PIEZO2: variants seen among roughly 807,000 people sequenced by gnomAD.
The protein encoded by PIEZO2 is piezo-type mechanosensitive ion channel component 2.
Under a neutral mutation model 337.3 loss-of-function variants are expected in PIEZO2, and 172 were observed. That is an observed-to-expected ratio of 0.51 (90% confidence interval 0.45 to 0.58). The LOEUF (loss-of-function observed/expected upper bound fraction) is 0.58. PIEZO2 is among the 20% of genes least tolerant of loss of function. PIEZO2 has a pLI of 0.00. For missense variants in PIEZO2, 3,028 were observed against 3,391.3 expected, an observed-to-expected ratio of 0.89 and a Z score of 2.66; for synonymous variants, 1,251 against 1,228.5, an observed-to-expected ratio of 1.02 and a Z score of -0.38.
chr18:11,105,432 C>A lies in PIEZO2; in HGVS notation c.65-39210G>T, dbSNP rs1217163526. Among the ~76,000 whole-genome samples, 1 of 152,126 alleles carries A rather than the reference C, an allele frequency of 6.6e-6. No individual in the cohort carries two copies. The highest frequency in any genetic ancestry group is 1.5e-5 in the Non-Finnish European group (1 of 68,032). ...AATAGCTCAGAAACGCATTCCAGCA[C>A]CTCACATCTTCATCCTCACGACACA... On this transcript the variant is annotated intron_variant, in intron 1 of 55. Transcript: ENST00000674853. This position sits in a 1 kb window ranked among gnomAD's most constrained non-coding sequence, Gnocchi z 4.3.
At chr18:10,974,015 A>T (rs2034342600) in intron 3 of PIEZO2, among the ~76,000 whole-genome samples, 2 of 152,174 alleles carry the variant, frequency 1.3e-5, no homozygotes, top group African/African-American at 4.8e-5. Context: ...CTAACGAAGC[A>T]TGGGGTGAAG....
chr18:11,031,166 A>G lies in PIEZO2; in HGVS notation c.160+34961T>C, dbSNP rs1350986674. On this transcript the variant is annotated intron_variant, in intron 2 of 55. Coordinates refer to ENST00000674853, the MANE Select transcript of PIEZO2 (RefSeq NM_001378183.1). This position sits in a 1 kb window ranked among gnomAD's most constrained non-coding sequence, Gnocchi z 4.7. ...CACCATGCCTGGCTAATTTTTTTGT[A>G]TTTTTTTTTTTTTTAGTGGAGATGG... Among the ~76,000 whole-genome samples, 1 of 140,286 alleles carries G rather than the reference A, an allele frequency of 7.1e-6. No individual in the cohort carries two copies. The highest frequency in any genetic ancestry group is 1.6e-5 in the Non-Finnish European group (1 of 64,332). The allele number at this position is 140,286 out of a possible 152,430, so 92.0% of individuals were successfully genotyped here.
Position 10,929,846 on chromosome 18 carries a change from A to T in PIEZO2, c.287-18618T>A, listed in dbSNP as rs1232461059. 6.6e-6 allele frequency among the ~76,000 whole-genome samples: 1 copy of T among 152,196 alleles called. No individual in the cohort carries two copies. Among genetic ancestry groups the T allele is most frequent in the Non-Finnish European group, 1.5e-5 (1 of 68,024 alleles). Reference sequence around the variant, plus strand: ...CAAAAATAAAATTCTAAGGCCCCCAAGAGACTGAATGGACTGCCCCTCAGC... The same window carrying T: ...CAAAAATAAAATTCTAAGGCCCCCATGAGACTGAATGGACTGCCCCTCAGC... On this transcript the variant is annotated intron_variant, in intron 3 of 55. Coordinates refer to ENST00000674853, the MANE Select transcript of PIEZO2 (RefSeq NM_001378183.1). This position sits in a 1 kb window ranked among gnomAD's most constrained non-coding sequence, Gnocchi z 5.6.
intron 18 of PIEZO2, among the ~76,000 whole-genome samples, chr18:10,778,865 AG>A (rs1397622655): frequency 1.3e-5 from 2 of 152,230 alleles, no homozygotes; most frequent in Non-Finnish European, 2.9e-5. Context: ...GTTGCTGCCA[AG>A]GGAGCCCATC....
intron 2 of PIEZO2, among the ~76,000 whole-genome samples, chr18:11,015,586 A>G (rs1472101868): frequency 6.6e-6 from 1 of 152,190 alleles, no homozygotes; most frequent in Non-Finnish European, 1.5e-5. Flanking sequence ...ATGTTTTAAG[A>G]GAACGCCTTG....
chr18:10,923,228 T>C (rs1419607596), intron 3 of PIEZO2, among the ~76,000 whole-genome samples: 2 of 152,192 alleles, frequency 1.3e-5, no homozygotes, highest in Non-Finnish European at 2.9e-5. Context: ...AGTTCTCTGG[T>C]TTATATGAAA....
rs1016135841 is a variant in PIEZO2, at chr18:11,096,995, G to A, written c.65-30773C>T. 1.3e-5 allele frequency among the ~76,000 whole-genome samples: 2 copies of A among 152,188 alleles called. No homozygotes were observed. Among genetic ancestry groups the A allele is most frequent in the African/African-American group, 4.8e-5 (2 of 41,452 alleles). ...GGAAAGATTTAAATGCCTAACGCCA[G>A]CAAGGCTTTTCCTCTAGGACACTGT... On this transcript the variant is annotated intron_variant, in intron 1 of 55. Coordinates refer to ENST00000674853, the MANE Select transcript of PIEZO2 (RefSeq NM_001378183.1). This position sits in a 1 kb window ranked among gnomAD's most constrained non-coding sequence, Gnocchi z 4.6.
chr18:10,936,692 C>T (rs1208038137), intron 3 of PIEZO2, among the ~76,000 whole-genome samples: 2 of 152,140 alleles, frequency 1.3e-5, no homozygotes, highest in Non-Finnish European at 1.5e-5. Flanking sequence ...CAGATGTCAT[C>T]GCTTCAGGAC....
intron 27 of PIEZO2, among the ~76,000 whole-genome samples, chr18:10,754,220 C>A (rs144410727): frequency 1.3e-5 from 2 of 152,220 alleles, no homozygotes; most frequent in African/African-American, 2.4e-5. Flanking sequence ...CGCTTCAAAG[C>A]GGAGCCTTAA....
At chr18:11,135,146 A>G (rs571849649) in intron 1 of PIEZO2, among the ~76,000 whole-genome samples, 1 of 152,334 alleles carries the variant, frequency 6.6e-6, no homozygotes, top group African/African-American at 2.4e-5. Flanking sequence ...TCACAATAAG[A>G]TTTCAAACAA....
intron 3 of PIEZO2, among the ~76,000 whole-genome samples, chr18:10,948,505 G>T (rs1403741859): frequency 6.6e-6 from 1 of 152,160 alleles, no homozygotes; most frequent in Non-Finnish European, 1.5e-5. Context: ...GATGTTTTAA[G>T]ATTGATGCAT....
chr18:10,927,319 C>T lies in PIEZO2; in HGVS notation c.287-16091G>A, dbSNP rs2145170566. ...AGCCTCCGAGGAGGACTCTGATTTA[C>T]GCACAGAAATTTGAAATGGGTTAGA... is the stretch of plus-strand genomic sequence containing the variant. On this transcript the variant is annotated intron_variant, in intron 3 of 55. Coordinates refer to ENST00000674853, the MANE Select transcript of PIEZO2 (RefSeq NM_001378183.1). Among the ~76,000 whole-genome samples, 5 of 152,272 alleles carry T rather than the reference C, an allele frequency of 3.3e-5. No individual in the cohort carries two copies. In the Middle Eastern group the frequency reaches 0.014, roughly 414 times the overall value.
intron 2 of PIEZO2, among the ~76,000 whole-genome samples, chr18:11,059,429 G>A (rs1051125898): frequency 9.2e-5 from 14 of 152,256 alleles, no homozygotes; most frequent in African/African-American, 2.9e-4. Flanking sequence ...ATGCAAATGG[G>A]CTAAATGCTC....
Position 11,110,865 on chromosome 18 carries a change from C to T in PIEZO2, c.64+37660G>A, listed in dbSNP as rs761428434. Among the ~76,000 whole-genome samples, 3 of 152,186 alleles carry T rather than the reference C, an allele frequency of 2.0e-5. No homozygotes were observed. The highest frequency in any genetic ancestry group is 6.5e-5 in the Admixed American group (1 of 15,282). On this transcript the variant is annotated intron_variant, in intron 1 of 55. Coordinates refer to ENST00000674853, the MANE Select transcript of PIEZO2 (RefSeq NM_001378183.1). This position sits in a 1 kb window ranked among gnomAD's most constrained non-coding sequence, Gnocchi z 4.2. ...ATCAGGCTGGATTGTCTGTGGTCCA[C>T]TGGGTCACTGCCACCCTCTCCTGAG...
In PIEZO2 at chr18:10,672,849, A is replaced by C. The variant is rs376455849; in HGVS notation, c.8186T>G (p.Ile2729Ser). 2.7e-5 allele frequency: 44 copies of C among 1,605,978 alleles called. No homozygotes were observed. The highest frequency in any genetic ancestry group is 4.0e-5 in the African/African-American group (3 of 74,588). Reference sequence around the variant, plus strand: ...AGTTGTATTGTCTCTGGACAAAATGATGGTAATATCCATGAAATTATTTTC... The same window carrying C: ...AGTTGTATTGTCTCTGGACAAAATGCTGGTAATATCCATGAAATTATTTTC... ...LSENNFMDIT[I>S]ILSRDNTTKY... is the part of the protein sequence containing the mutation. Residue 2729 changes from isoleucine to serine, a missense_variant, in exon 55 of 56, where the codon ATC becomes AGC. This residue lies in a region of PIEZO2 where 332 missense variants were observed against 363.8 expected (regional missense o/e 0.91). Coordinates refer to ENST00000674853, the MANE Select transcript of PIEZO2 (RefSeq NM_001378183.1). This position sits in a 1 kb window ranked among gnomAD's most constrained non-coding sequence, Gnocchi z 4.7.
chr18:10,987,471 C>T (rs2034919393), intron 2 of PIEZO2, among the ~76,000 whole-genome samples: 1 of 152,062 alleles, frequency 6.6e-6, no homozygotes, highest in African/African-American at 2.4e-5. Context: ...TGGATAGTCT[C>T]TTCAATAAAC....
In PIEZO2 at chr18:10,673,017, G is replaced by A. The variant is rs527721841; in HGVS notation, c.8162-144C>T. ...AAGGATGCATGGACATACTAGAAGC[G>A]TGAATGGGCAAGGAAGAGAGGGCCC... is the stretch of plus-strand genomic sequence containing the variant. On this transcript the variant is annotated intron_variant, in intron 54 of 55. Transcript: ENST00000674853. This position sits in a 1 kb window ranked among gnomAD's most constrained non-coding sequence, Gnocchi z 4.8. The A allele has an allele frequency of 1.5e-5, 10 of 664,704 alleles. No individual in the cohort carries two copies. The highest frequency in any genetic ancestry group is 2.2e-5 in the Non-Finnish European group (9 of 403,074). 41.2% of individuals were successfully genotyped at this position (664,704 alleles called of 1,614,324 possible).
At position 10,880,879 on chromosome 18, in the gene PIEZO2, AT is replaced by A. The variant is rs1568159639; in HGVS notation, c.330-9465del. Among the ~76,000 whole-genome samples, 213 of 88,852 alleles carry A rather than the reference AT, an allele frequency of 2.4e-3. 4 individuals carry two copies. The highest frequency in any genetic ancestry group is 6.7e-3 in the Admixed American group (62 of 9,298). The allele number at this position is 88,852 out of a possible 152,430, so 58.3% of individuals were successfully genotyped here. ...TATATATATATATATATATATATAT[AT>A]ATATATATATATATATATATAATTT... On this transcript the variant is annotated intron_variant, in intron 4 of 55. Transcript: ENST00000674853.
chr18:10,937,071 C>T (rs1382011876), intron 3 of PIEZO2, among the ~76,000 whole-genome samples: 2 of 152,148 alleles, frequency 1.3e-5, no homozygotes, highest in African/African-American at 4.8e-5. Context: ...TTACTGTCAT[C>T]AAGAGAAATG....
Sources: gnomAD v4.1 joint callset for allele counts (sites outside exome capture counted in the v4.1 genomes callset) on GRCh38, gnomAD v4.1.1 for gene constraint, gnomAD v4.1.1 regional missense constraint, Gnocchi (gnomAD v3.1) non-coding constraint, MANE v1.5 for transcripts, NCBI Gene and HGNC (gene_info 2026-07-23, HGNC 2026-07-21) for gene names.